Variants in EFL1 observed in about 807,000 individuals in gnomAD.
EFL1 encodes elongation factor like GTPase 1, also known as elongation factor-like GTPase 1.
Under a neutral mutation model 126.7 loss-of-function variants are expected in EFL1, and 76 were observed. The ratio of observed to expected loss-of-function variants is 0.60; its 90% CI spans 0.50 to 0.73. The LOEUF (loss-of-function observed/expected upper bound fraction) is 0.73, where lower values mean the gene tolerates loss of function less well. EFL1 is among the 30% of genes least tolerant of loss of function. The probability of loss-of-function intolerance (pLI) is 0.00; values close to 1 mark genes in which losing one functional copy is unlikely to be tolerated. For missense variants in EFL1, 1,128 were observed against 1,343.2 expected (o/e 0.84, Z 2.50); for synonymous variants, 410 against 448.4 (o/e 0.91, Z 1.08).
intron 4 of EFL1, among the ~76,000 whole-genome samples, chr15:82,245,076 A>G (rs923593527): frequency 2.0e-5 from 3 of 152,122 alleles, no homozygotes; most frequent in African/African-American, 7.3e-5. Context: ...ACTTCTAACA[A>G]TTATATACAA....
chr15:82,245,276 C>A (rs1250709125), intron 4 of EFL1, among the ~76,000 whole-genome samples: 31 of 152,088 alleles, frequency 2.0e-4, no homozygotes, highest in Admixed American at 1.3e-3. Flanking sequence ...CTCAGCCTCC[C>A]AAGTAGCAGG....
At chr15:82,148,377 C>G (rs1200422518) in intron 18 of EFL1, among the ~76,000 whole-genome samples, 1 of 94,348 alleles carries the variant, frequency 1.1e-5, no homozygotes, top group Non-Finnish European at 2.2e-5. Flanking sequence ...GAATCCATCT[C>G]AAAAAAAAAA....
intron 15 of EFL1, among the ~76,000 whole-genome samples, chr15:82,186,957 T>C (rs1233558757): frequency 6.6e-6 from 1 of 152,176 alleles, no homozygotes; most frequent in Non-Finnish European, 1.5e-5. Context: ...CCTCAGCCTG[T>C]AGTGATTTTA....
At chr15:82,253,288 C>T (rs1012809021) in intron 3 of EFL1, among the ~76,000 whole-genome samples, 14 of 152,030 alleles carry the variant, frequency 9.2e-5, no homozygotes, top group African/African-American at 1.7e-4. Context: ...GATCCACCCA[C>T]CTCAGTCTCC....
chr15:82,142,670 G>A (rs924201020), intron 18 of EFL1, among the ~76,000 whole-genome samples: 1 of 152,188 alleles, frequency 6.6e-6, no homozygotes, highest in Non-Finnish European at 1.5e-5. Context: ...ATCTCAGCCT[G>A]TATTCAAGGC....
chr15:82,215,083 A>G (rs2074631684), intron 14 of EFL1, among the ~76,000 whole-genome samples: 1 of 152,210 alleles, frequency 6.6e-6, no homozygotes, highest in African/African-American at 2.4e-5. Flanking sequence ...TTCCCATTTA[A>G]TCATAAGCTT....
At position 82,255,295 on chromosome 15, in the gene EFL1, C is replaced by T. The variant is rs1355435406; in HGVS notation, c.160-2520G>A. Among the ~76,000 whole-genome samples the T allele has an allele frequency of 3.3e-5, 5 of 152,150 alleles. 1 individual carries two copies. In the South Asian group the frequency reaches 6.2e-4, roughly 19 times the overall value. ...TGTAAGTTTTTTACTGGCCATTTAA[C>T]ATTCCTTTTCTGTGAATTGCCTATA... On this transcript the variant is annotated intron_variant, in intron 3 of 19. Transcript: ENST00000268206.
chr15:82,229,128 C>T lies in EFL1; in HGVS notation c.856-18G>A, dbSNP rs764736861. ...CCTTTGGCCTGTACAAAAGAACATA[C>T]GGGCTTAAGTTCCTGAACATTTAAT... On this transcript the variant is annotated intron_variant, in intron 8 of 19. Coordinates refer to ENST00000268206, the MANE Select transcript of EFL1 (RefSeq NM_024580.6). 48 of 1,592,652 alleles carry T rather than the reference C, an allele frequency of 3.0e-5. No individual in the cohort carries two copies. Among genetic ancestry groups the T allele is most frequent in the African/African-American group, 1.1e-4 (8 of 73,844 alleles).
intron 7 of EFL1, among the ~76,000 whole-genome samples, chr15:82,234,131 C>T (rs1458051775): frequency 6.6e-6 from 1 of 152,216 alleles, no homozygotes; most frequent in Admixed American, 6.5e-5. Flanking sequence ...CCACAATAAA[C>T]TTCCCCCAAT....
chr15:82,219,996 T>G (rs2141302891), intron 13 of EFL1, 82 bp downstream of exon 13: 16 of 1,509,994 alleles, frequency 1.1e-5, no homozygotes, highest in Non-Finnish European at 1.4e-5. Context: ...AGCTTAAAAA[T>G]CTCAAGAACT....
intron 18 of EFL1, among the ~76,000 whole-genome samples, chr15:82,143,759 A>C (rs1160570745): frequency 6.6e-6 from 1 of 152,254 alleles, no homozygotes; most frequent in Non-Finnish European, 1.5e-5. Flanking sequence ...TCTTACTATT[A>C]TAATCAGTGA....
chr15:82,166,571 C>T (rs529654714), intron 15 of EFL1, among the ~76,000 whole-genome samples: 5 of 152,104 alleles, frequency 3.3e-5, no homozygotes, highest in Non-Finnish European at 7.4e-5. Flanking sequence ...TTTAAAATTC[C>T]TTTTCAGAAT....
intron 15 of EFL1, among the ~76,000 whole-genome samples, chr15:82,213,579 A>G (rs2141295233): frequency 6.6e-6 from 1 of 152,332 alleles, no homozygotes; most frequent in Non-Finnish European, 1.5e-5. Context: ...AAGATCGTAT[A>G]AAAACCATTC....
intron 15 of EFL1, among the ~76,000 whole-genome samples, chr15:82,196,899 G>T (rs1241136893): frequency 6.6e-6 from 1 of 152,116 alleles, no homozygotes; most frequent in Admixed American, 6.5e-5. Context: ...GGGCATGGTG[G>T]TGGGTGCCTA....
At chr15:82,152,501 C>T in intron 17 of EFL1, 78 bp from the exon 18 acceptor site, 1 of 1,207,040 alleles carries the variant, frequency 8.3e-7, no homozygotes, top group Non-Finnish European at 1.1e-6. Context: ...AATTACTACA[C>T]AGTGGAGATT....
At chr15:82,170,620 G>T (rs1442260717) in intron 15 of EFL1, among the ~76,000 whole-genome samples, 4 of 152,178 alleles carry the variant, frequency 2.6e-5, no homozygotes, top group Non-Finnish European at 4.4e-5. Flanking sequence ...GGCAGTGGTG[G>T]TTCTAACAGT....
At chr15:82,230,469 C>G (rs1035769694) in intron 8 of EFL1, among the ~76,000 whole-genome samples, 9 of 152,004 alleles carry the variant, frequency 5.9e-5, no homozygotes, top group Non-Finnish European at 2.9e-5. Flanking sequence ...TCAGCTGACA[C>G]TAGAAAGACA....
chr15:82,229,147 A>G, intron 8 of EFL1, 37 bp from the exon 9 acceptor site: 14 of 1,490,128 alleles, frequency 9.4e-6, no homozygotes, highest in Non-Finnish European at 1.3e-5. Context: ...GTTCCTGAAC[A>G]TTTAATAGGC....
chr15:82,234,140 A>G (rs1019713060), intron 7 of EFL1, among the ~76,000 whole-genome samples: 4 of 152,196 alleles, frequency 2.6e-5, no homozygotes, highest in African/African-American at 9.6e-5. Context: ...ACTTCCCCCA[A>G]TTTGTGTGAT....
Sources: gnomAD v4.1 joint callset for allele counts (sites outside exome capture counted in the v4.1 genomes callset) on GRCh38, gnomAD v4.1.1 for gene constraint, MANE v1.5 for transcripts, NCBI Gene and HGNC (gene_info 2026-07-23, HGNC 2026-07-21) for gene names.